The following ADGRV1 variants were observed in gnomAD, a reference collection of about 807,000 sequenced individuals.
The protein encoded by ADGRV1 is G-protein coupled receptor 98.
A neutral mutation model predicts 596.2 loss-of-function variants in ADGRV1; 359 were observed. The ratio of observed to expected loss-of-function variants is 0.60; its 90% CI spans 0.55 to 0.66. The LOEUF (loss-of-function observed/expected upper bound fraction) is 0.66, where lower values mean the gene tolerates loss of function less well. Ranked by LOEUF, ADGRV1 falls within the 30% of genes least tolerant of loss-of-function variation. The pLI, the probability that ADGRV1 is intolerant of heterozygous loss-of-function variation, is 0.00. For synonymous variants in ADGRV1, 2,681 were observed against 2,679.2 expected, an observed-to-expected ratio of 1.00 and a Z score of -0.02; for missense variants, 7,274 against 7,575.6, an observed-to-expected ratio of 0.96 and a Z score of 1.48.
chr5:90,670,199 C>T (rs1357876261), intron 21 of ADGRV1, among the ~76,000 whole-genome samples: 1 of 152,140 alleles, frequency 6.6e-6, no homozygotes, highest in Admixed American at 6.5e-5. Flanking sequence ...TTACCCAAAA[C>T]CTGTGACTGA....
chr5:90,736,702 C>T (rs928333176), intron 50 of ADGRV1, among the ~76,000 whole-genome samples: 1 of 151,694 alleles, frequency 6.6e-6, no homozygotes, highest in Non-Finnish European at 1.5e-5. Context: ...TTAGTAGGTG[C>T]TATGTGTCTA....
intron 16 of ADGRV1, among the ~76,000 whole-genome samples, chr5:90,646,748 A>C (rs1019974956): frequency 7.2e-6 from 1 of 139,432 alleles, no homozygotes; most frequent in Non-Finnish European, 1.6e-5. Flanking sequence ...TTTGTATTTT[A>C]TTGATTTGTA....
At chr5:90,908,253 T>C (rs920744977) in intron 83 of ADGRV1, among the ~76,000 whole-genome samples, 2 of 152,128 alleles carry the variant, frequency 1.3e-5, no homozygotes, top group African/African-American at 2.4e-5. Context: ...TGTGGGTGCA[T>C]AGTAGGTATA....
chr5:90,673,823 C>T (rs912195924), intron 22 of ADGRV1, among the ~76,000 whole-genome samples: 20 of 152,122 alleles, frequency 1.3e-4, no homozygotes, highest in African/African-American at 4.6e-4. Flanking sequence ...ACTATAGCAG[C>T]ATCCATTATT....
At chr5:90,560,204 C>G (rs116154257) in intron 1 of ADGRV1, among the ~76,000 whole-genome samples, 1,743 of 152,132 alleles carry the variant, frequency 0.011, 31 homozygotes, top group African/African-American at 0.04. Context: ...TAGGTGATTG[C>G]AAAGGTTTAT....
chr5:90,628,220 CAAAATAAAATAAAAT>C (rs70999498), intron 7 of ADGRV1, among the ~76,000 whole-genome samples: 4,213 of 129,532 alleles, frequency 0.033, 85 homozygotes, highest in South Asian at 0.058. Flanking sequence ...ACCCCGCCCA[CAAAATAAAATAAAAT>C]AAAATAAAAT....
chr5:90,893,957 A>C (rs1015493210), intron 83 of ADGRV1, among the ~76,000 whole-genome samples: 1 of 152,228 alleles, frequency 6.6e-6, no homozygotes, highest in Non-Finnish European at 1.5e-5. Context: ...ATTGGGAAAC[A>C]TAAAGAGGAT....
intron 59 of ADGRV1, among the ~76,000 whole-genome samples, chr5:90,770,664 G>A (rs951150272): frequency 6.6e-6 from 1 of 151,834 alleles, no homozygotes; most frequent in Non-Finnish European, 1.5e-5. Flanking sequence ...GTTTTAATTT[G>A]CTGTAAAAAT....
chr5:91,012,675 A>C (rs1782821721), intron 85 of ADGRV1, among the ~76,000 whole-genome samples: 1 of 152,016 alleles, frequency 6.6e-6, no homozygotes, highest in South Asian at 2.1e-4. Context: ...GTCCATGGTA[A>C]TGTATATTCA....
chr5:90,668,523 T>G (rs1459891296), intron 21 of ADGRV1, among the ~76,000 whole-genome samples: 1 of 152,072 alleles, frequency 6.6e-6, no homozygotes, highest in Non-Finnish European at 1.5e-5. Context: ...CACTCCCTAG[T>G]GAGATGAACC....
At chr5:90,566,287 A>G (rs1328917040) in intron 1 of ADGRV1, among the ~76,000 whole-genome samples, 1 of 152,140 alleles carries the variant, frequency 6.6e-6, no homozygotes, top group Non-Finnish European at 1.5e-5. Context: ...TAAGAGTTTT[A>G]TAGTTTAAGC....
chr5:90,987,939 G>A (rs191315077), intron 85 of ADGRV1, among the ~76,000 whole-genome samples: 3 of 152,130 alleles, frequency 2.0e-5, no homozygotes, highest in Non-Finnish European at 4.4e-5. Flanking sequence ...CAGCCCTGAA[G>A]TCTAATTTTT....
At chr5:90,596,039 G>A (rs556679982) in intron 1 of ADGRV1, among the ~76,000 whole-genome samples, 7,711 of 149,174 alleles carry the variant, frequency 0.052, 713 homozygotes, top group African/African-American at 0.19. Context: ...CATACGGGGT[G>A]GCTGCCGGGC....
chr5:90,838,846 C>T (rs1244219579), intron 77 of ADGRV1, among the ~76,000 whole-genome samples: 1 of 151,912 alleles, frequency 6.6e-6, no homozygotes, highest in Non-Finnish European at 1.5e-5. Flanking sequence ...GTTGATATAG[C>T]GAGACCCTCA....
chr5:90,852,398 T>G (rs1766621717), intron 79 of ADGRV1, among the ~76,000 whole-genome samples: 1 of 152,230 alleles, frequency 6.6e-6, no homozygotes, highest in Admixed American at 6.5e-5. Context: ...TTTTAACATT[T>G]AATGCATAAA....
At chr5:90,785,965 G>A (rs3113635) in intron 67 of ADGRV1, among the ~76,000 whole-genome samples, 4,336 of 152,088 alleles carry the variant, frequency 0.029, 187 homozygotes, top group African/African-American at 0.098. Flanking sequence ...TTTTTATTGC[G>A]GCACTGTTGA....
At chr5:90,924,143 C>A (rs1387664808) in intron 83 of ADGRV1, among the ~76,000 whole-genome samples, 1 of 151,634 alleles carries the variant, frequency 6.6e-6, no homozygotes, top group Non-Finnish European at 1.5e-5. Context: ...TGGGTATATA[C>A]CCAGTAATGG....
At chr5:90,919,033 A>G (rs1191398290) in intron 83 of ADGRV1, among the ~76,000 whole-genome samples, 1 of 152,220 alleles carries the variant, frequency 6.6e-6, no homozygotes, top group Non-Finnish European at 1.5e-5. Context: ...TTGCCTGCTA[A>G]AGATCATCCT....
chr5:91,152,563 G>T (rs1189172058), intron 88 of ADGRV1, among the ~76,000 whole-genome samples: 3 of 152,198 alleles, frequency 2.0e-5, no homozygotes, highest in Non-Finnish European at 4.4e-5. Context: ...TTCAAATAGA[G>T]ACATGGTTTA....
Sources: gnomAD v4.1 joint callset for allele counts (sites outside exome capture counted in the v4.1 genomes callset) on GRCh38, gnomAD v4.1.1 for gene constraint, MANE v1.5 for transcripts, NCBI Gene and HGNC (gene_info 2026-07-23, HGNC 2026-07-21) for gene names.